The following TECPR2 variants were observed in gnomAD, a reference collection of about 807,000 sequenced individuals.
TECPR2 encodes tectonin beta-propeller repeat containing 2.
Under a neutral mutation model 138.1 loss-of-function variants are expected in TECPR2, and 65 were observed. The observed-to-expected ratio is 0.47, with a 90% CI of 0.39 to 0.58. The LOEUF (loss-of-function observed/expected upper bound fraction) is 0.58, where lower values mean the gene tolerates loss of function less well. Ranked by LOEUF, TECPR2 falls within the 20% of genes least tolerant of loss-of-function variation. The pLI, the probability that TECPR2 is intolerant of heterozygous loss-of-function variation, is 0.00. For missense variants in TECPR2, 1,553 were observed against 1,824.5 expected (o/e 0.85, Z 2.71); for synonymous variants, 746 against 749.8 (o/e 0.99, Z 0.08).
At position 102,498,206 on chromosome 14, in the gene TECPR2, G is replaced by C; in HGVS notation, c.4185G>C (p.Gln1395His). The C allele has an allele frequency of 6.2e-7, 1 of 1,608,588 alleles. No homozygotes were observed. The highest frequency in any genetic ancestry group is 8.5e-7 in the Non-Finnish European group (1 of 1,179,988). ...CGCACGGCACCCAGAAGAGCAGCCA[G>C]GCCGCCATGCCCCACCCTGAGGACC... ...SHSHGTQKSSQAAMPHPEDLE... is the reference protein window; with the variant it reads ...SHSHGTQKSSHAAMPHPEDLE... Residue 1395 changes from glutamine (Q) to histidine (H), a missense_variant, in exon 20 of 20, where the codon CAG becomes CAC. Gln to His is a conservative substitution (Grantham distance 24, BLOSUM62 0). Transcript: ENST00000359520.
At chr14:102,380,113 A>G (rs146885359) in intron 2 of TECPR2, among the ~76,000 whole-genome samples, 245 of 137,976 alleles carry the variant, frequency 1.8e-3, no homozygotes, top group Middle Eastern at 4.2e-3. Flanking sequence ...GAAGATCACC[A>G]TCTTAAAATC....
intron 4 of TECPR2, among the ~76,000 whole-genome samples, chr14:102,411,555 C>T (rs2139699047): frequency 6.6e-6 from 1 of 151,572 alleles, no homozygotes; most frequent in Middle Eastern, 3.4e-3. Flanking sequence ...CTGCCCCTGT[C>T]CACCAGAGAA....
chr14:102,392,994 A>G (rs78667416), intron 2 of TECPR2, among the ~76,000 whole-genome samples: 1,610 of 152,240 alleles, frequency 0.011, 32 homozygotes, highest in African/African-American at 0.037. Context: ...CAGCAAATCA[A>G]TTTTTCCCTA....
intron 5 of TECPR2, among the ~76,000 whole-genome samples, chr14:102,418,598 C>T (rs1392896409): frequency 1.3e-5 from 2 of 150,376 alleles, no homozygotes; most frequent in Non-Finnish European, 3.0e-5. Context: ...CCCCTCCCGT[C>T]GGCTTTGTGG....
At chr14:102,468,500 A>G (rs1181532780) in intron 17 of TECPR2, among the ~76,000 whole-genome samples, 3 of 152,156 alleles carry the variant, frequency 2.0e-5, no homozygotes, top group Non-Finnish European at 2.9e-5. Context: ...TGAGTTTTAT[A>G]TATGAGTTCT....
chr14:102,393,352 A>G (rs1001889838), intron 2 of TECPR2, among the ~76,000 whole-genome samples: 2 of 152,166 alleles, frequency 1.3e-5, no homozygotes, highest in Admixed American at 6.6e-5. Flanking sequence ...CTATTTCTAT[A>G]TGAACTGTAG....
chr14:102,375,514 C>T (rs910728622), intron 1 of TECPR2, among the ~76,000 whole-genome samples: 1 of 152,084 alleles, frequency 6.6e-6, no homozygotes, highest in Admixed American at 6.6e-5. Context: ...ACGGAACAGC[C>T]AATGCAAGGG....
At chr14:102,408,151 C>T (rs192518956) in intron 3 of TECPR2, among the ~76,000 whole-genome samples, 93 of 150,748 alleles carry the variant, frequency 6.2e-4, no homozygotes, top group African/African-American at 1.9e-3. Flanking sequence ...TCCAGCCTGA[C>T]GGAGCGAGAC....
intron 2 of TECPR2, among the ~76,000 whole-genome samples, chr14:102,382,164 G>A (rs529836244): frequency 7.2e-5 from 11 of 152,112 alleles, no homozygotes; most frequent in Admixed American, 5.2e-4. Context: ...GTGGTGGCGG[G>A]CTCCTGTAAT....
rs182312502 is a variant in TECPR2, at chr14:102,443,369, G to T, written c.2753-278G>T. ...TGATTAAACTTGACAACAAAAAAGCGGCCGGACAGGGCAGCTCCTGCCTGT... is the reference window on the plus strand; with the variant it reads ...TGATTAAACTTGACAACAAAAAAGCTGCCGGACAGGGCAGCTCCTGCCTGT... On this transcript the variant is annotated intron_variant, in intron 11 of 19. Transcript: ENST00000359520. This position sits in a 1 kb window ranked among gnomAD's most constrained non-coding sequence, Gnocchi z 4.9. Among the ~76,000 whole-genome samples the T allele has an allele frequency of 6.6e-6, 1 of 152,134 alleles. No individual in the cohort carries two copies. The highest frequency in any genetic ancestry group is 1.5e-5 in the Non-Finnish European group (1 of 68,032).
At chr14:102,471,666 A>G (rs1185351328) in intron 17 of TECPR2, among the ~76,000 whole-genome samples, 1 of 151,908 alleles carries the variant, frequency 6.6e-6, no homozygotes, top group Non-Finnish European at 1.5e-5. Context: ...TGCCAGTTTT[A>G]TTGCCAATTG....
intron 13 of TECPR2, among the ~76,000 whole-genome samples, chr14:102,448,744 G>A (rs1311410033): frequency 2.0e-5 from 3 of 152,072 alleles, no homozygotes; most frequent in Non-Finnish European, 4.4e-5. Flanking sequence ...GCGTGCGCCT[G>A]TAGTCCCAGC....
chr14:102,418,947 CG>C (rs1889100890), intron 5 of TECPR2, among the ~76,000 whole-genome samples: 1 of 151,914 alleles, frequency 6.6e-6, no homozygotes, highest in Admixed American at 6.6e-5. Flanking sequence ...CCTGGAGGCA[CG>C]GGGAGAAGGA....
chr14:102,468,511 T>C (rs1253249172), intron 17 of TECPR2, among the ~76,000 whole-genome samples: 1 of 152,206 alleles, frequency 6.6e-6, no homozygotes, highest in African/African-American at 2.4e-5. Context: ...TATGAGTTCT[T>C]TATGTATTCT....
intron 4 of TECPR2, among the ~76,000 whole-genome samples, chr14:102,411,688 G>A (rs1268585148): frequency 2.5e-5 from 1 of 39,624 alleles, no homozygotes; most frequent in African/African-American, 1.1e-4. Flanking sequence ...GAAATAAACA[G>A]CCATGTTGCT....
chr14:102,501,816 G>A lies in TECPR2; in HGVS notation c.*3559G>A, dbSNP rs975819828. On this transcript the variant is annotated 3_prime_UTR_variant, in exon 20 of 20. Transcript: ENST00000359520. The stretch of plus-strand genomic sequence containing the variant: ...ACCAATAGGAGGAGCACTTCGAGTC[G>A]AGTGTAAGGGCCCTTCACAAAAGCA... 1.3e-5 allele frequency: 2 copies of A among 152,236 alleles called. No individual in the cohort carries two copies. Among genetic ancestry groups the A allele is most frequent in the Admixed American group, 6.5e-5 (1 of 15,284 alleles). The allele number at this position is 152,236 out of a possible 1,614,324, so 9.4% of individuals were successfully genotyped here. A position where few individuals can be genotyped will look rare whatever the true frequency, so the allele number is the denominator to read the frequency against.
At chr14:102,394,690 AG>A (rs1486482215) in intron 2 of TECPR2, among the ~76,000 whole-genome samples, 2 of 152,206 alleles carry the variant, frequency 1.3e-5, no homozygotes. Context: ...CTTCCCTTAT[AG>A]AAAGCTGTTT....
At chr14:102,394,549 G>A (rs1479162066) in intron 2 of TECPR2, among the ~76,000 whole-genome samples, 1 of 152,180 alleles carries the variant, frequency 6.6e-6, no homozygotes, top group African/African-American at 2.4e-5. Flanking sequence ...GCTGCAGTGA[G>A]CCATGATCGG....
intron 2 of TECPR2, among the ~76,000 whole-genome samples, chr14:102,385,864 A>G (rs1233964397): frequency 8.6e-5 from 13 of 151,510 alleles, no homozygotes; most frequent in Non-Finnish European, 1.6e-4. Context: ...TGAGCCCAGG[A>G]GGTCGAGGTC....
Sources: gnomAD v4.1 joint callset for allele counts (sites outside exome capture counted in the v4.1 genomes callset) on GRCh38, gnomAD v4.1.1 for gene constraint, Gnocchi (gnomAD v3.1) non-coding constraint, MANE v1.5 for transcripts, NCBI Gene and HGNC (gene_info 2026-07-23, HGNC 2026-07-21) for gene names.